Variants in GRIK5 observed in about 807,000 individuals in gnomAD.
GRIK5 encodes the protein glutamate receptor ionotropic, kainate 5.
Under a neutral mutation model 97.4 loss-of-function variants are expected in GRIK5, and 43 were observed. The observed-to-expected ratio is 0.44, with a 90% confidence interval of 0.35 to 0.57. The LOEUF (loss-of-function observed/expected upper bound fraction) is 0.57. GRIK5 is among the 20% of genes least tolerant of loss of function. GRIK5 has a pLI of 0.01. For missense variants in GRIK5, 1,015 were observed against 1,382.0 expected, an observed-to-expected ratio of 0.73 and a Z score of 4.21; for synonymous variants, 580 against 583.5, an observed-to-expected ratio of 0.99 and a Z score of 0.09.
Position 42,062,639 on chromosome 19 carries a change from C to T in GRIK5, c.357G>A (p.Lys119=). 6.2e-7 allele frequency: 1 copy of T among 1,614,110 alleles called. No individual in the cohort carries two copies. The highest frequency in any genetic ancestry group is 1.1e-5 in the South Asian group (1 of 91,078). ...GGCGGGGTGTCTCCTCGGGACCCAC[C>T]TTGATGTGGGGGATCTGGACAGAGA... is the stretch of plus-strand genomic sequence containing the variant. ...ICGEKEIPHI[K]VGPEETPRLQ... Residue 119 remains lysine (K), a synonymous_variant, in exon 5 of 20, where the codon AAG becomes AAA. Coordinates refer to ENST00000593562, the MANE Select transcript of GRIK5 (RefSeq NM_002088.5). This position sits in a 1 kb window ranked among gnomAD's most constrained non-coding sequence, Gnocchi z 5.3.
intron 15 of GRIK5, among the ~76,000 whole-genome samples, chr19:42,008,018 A>C (rs1555873110): frequency 6.6e-6 from 1 of 152,118 alleles, no homozygotes; most frequent in Non-Finnish European, 1.5e-5. Context: ...CAATGTAAAC[A>C]ATGTCTGTTA....
rs1049633971 is a variant in GRIK5, at chr19:42,062,402, G to T, written c.508+86C>A. 3.6e-6 allele frequency: 5 copies of T among 1,384,608 alleles called. No individual in the cohort carries two copies. In the East Asian group the frequency reaches 9.8e-5, roughly 27 times the overall value. The allele number at this position is 1,384,608 out of a possible 1,614,324, so 85.8% of individuals were successfully genotyped here. ...GGGTGCCCCAGGGTTCTAACTAGGG[G>T]GCAGTGAACCACTGTGTGGGACACC... On this transcript the variant is annotated intron_variant, in intron 5 of 19. Coordinates refer to ENST00000593562, the MANE Select transcript of GRIK5 (RefSeq NM_002088.5). The surrounding 1 kb of genome is among the most constrained non-coding windows in gnomAD (Gnocchi z 5.3).
chr19:42,003,587 C>T lies in GRIK5; in HGVS notation c.2360G>A (p.Arg787Gln), dbSNP rs782092976. The T allele has an allele frequency of 1.1e-5, 17 of 1,612,526 alleles. No individual in the cohort carries two copies. The highest frequency in any genetic ancestry group is 6.7e-5 in the African/African-American group (5 of 74,896). The change falls in exon 18 of 20, where the codon CGG becomes CAG. Residue 787 changes from arginine (R) to glutamine (Q), a missense_variant. Coordinates refer to ENST00000593562, the MANE Select transcript of GRIK5 (RefSeq NM_002088.5). This position sits in a 1 kb window ranked among gnomAD's most constrained non-coding sequence, Gnocchi z 4.2. ...TCGATGGTCCTCCTCCTTGGGGCAC[C>T]GGCCCCCCTCCCACCACTTGCGCTT... is the stretch of plus-strand genomic sequence containing the variant. ...ILKRKWWEGG[R>Q]CPKEEDHRAK... is the part of the protein sequence containing the mutation.
intron 12 of GRIK5, among the ~76,000 whole-genome samples, chr19:42,024,685 T>C (rs888563594): frequency 2.4e-4 from 36 of 152,176 alleles, no homozygotes; most frequent in African/African-American, 8.7e-4. Context: ...ACAGCCTCTC[T>C]GACTGGCATT....
At position 42,003,835 on chromosome 19, in the gene GRIK5, T is replaced by G; in HGVS notation, c.2264-152A>C. 1 of 724,014 alleles carries G rather than the reference T, an allele frequency of 1.4e-6. No homozygotes were observed. The highest frequency in any genetic ancestry group is 2.2e-6 in the Non-Finnish European group (1 of 457,098). 44.8% of individuals were successfully genotyped at this position (724,014 alleles called of 1,614,324 possible). A position where few individuals can be genotyped will look rare whatever the true frequency, so the allele number is the denominator to read the frequency against. On this transcript the variant is annotated intron_variant, in intron 17 of 19. Transcript: ENST00000593562. This position sits in a 1 kb window ranked among gnomAD's most constrained non-coding sequence, Gnocchi z 4.2. ...GCCTCTCCTCACCCCCAGCCCAGTC[T>G]CCTCTCAACACAGCAGCCAGAGAGA...
chr19:42,032,616 G>C (rs2075853058), intron 12 of GRIK5, among the ~76,000 whole-genome samples: 1 of 152,094 alleles, frequency 6.6e-6, no homozygotes, highest in Non-Finnish European at 1.5e-5. Flanking sequence ...CCACACAATG[G>C]AATCCTTATA....
At position 42,006,792 on chromosome 19, in the gene GRIK5, G is replaced by T; in HGVS notation, c.1890C>A (p.Ile630=). The T allele has an allele frequency of 6.2e-7, 1 of 1,608,432 alleles. No homozygotes were observed. The highest frequency in any genetic ancestry group is 1.1e-5 in the South Asian group (1 of 90,552). The change falls in exon 16 of 20, where the codon ATC becomes ATA. Residue 630 remains isoleucine, a synonymous_variant. Transcript: ENST00000593562. This position sits in a 1 kb window ranked among gnomAD's most constrained non-coding sequence, Gnocchi z 5.3. ...VSGVWWAFTL[I]IISSYTANLA... ...GGTTGGCCGTGTAGGAGGAGATGAT[G>T]ATCAAGGTGAAGGCCCACCTGAAGG...
chr19:42,006,085 T>C lies in GRIK5; in HGVS notation c.2038-137A>G, dbSNP rs146062284. ...GATCAAAGGAAGACAGAGCCAAAGG[T>C]AGAGGAGAGAGAGGAGATGGACAAA... On this transcript the variant is annotated intron_variant, in intron 16 of 19. Coordinates refer to ENST00000593562, the MANE Select transcript of GRIK5 (RefSeq NM_002088.5). The surrounding 1 kb of genome is among the most constrained non-coding windows in gnomAD (Gnocchi z 5.3). The C allele has an allele frequency of 2.7e-4, 174 of 642,792 alleles. No individual in the cohort carries two copies. In the African/African-American group the frequency reaches 2.8e-3, roughly 10 times the overall value. The allele number at this position is 642,792 out of a possible 1,614,324, so 39.8% of individuals were successfully genotyped here. A position where few individuals can be genotyped will look rare whatever the true frequency, so the allele number is the denominator to read the frequency against.
At chr19:42,000,353 G>T (rs454150) in intron 19 of GRIK5, among the ~76,000 whole-genome samples, 1 of 152,224 alleles carries the variant, frequency 6.6e-6, no homozygotes, top group African/African-American at 2.4e-5. Flanking sequence ...GGACCAGAGC[G>T]ACCTGAGAAA....
intron 12 of GRIK5, among the ~76,000 whole-genome samples, chr19:42,026,497 G>A (rs143457642): frequency 0.025 from 3,638 of 146,902 alleles, 129 homozygotes; most frequent in African/African-American, 0.081. Context: ...CAGGTAATCC[G>A]CCTGCCTCAG....
chr19:42,057,023 C>A, intron 6 of GRIK5, 45 bp from the exon 7 acceptor site: 1 of 1,446,130 alleles, frequency 6.9e-7, no homozygotes, highest in Non-Finnish European at 9.5e-7. Context: ...AGACAGAGAC[C>A]CACAGGCAGA....
chr19:42,021,975 C>T lies in GRIK5; in HGVS notation c.1669G>A (p.Val557Ile), dbSNP rs2075704519. Residue 557 changes from valine to isoleucine, a missense_variant, in exon 14 of 20, where the codon GTC (valine) becomes ATC (isoleucine). By Grantham distance (29) the Val-to-Ile change is conservative. Transcript: ENST00000593562. The surrounding 1 kb of genome is among the most constrained non-coding windows in gnomAD (Gnocchi z 4.2). ...GCAGCCAGAAACAGGACGCAGCTGA[C>T]AGCCAGGTAGGCAAGAAGCATGAAG... ...WLFMLLAYLA[V>I]SCVLFLAARL... 1 of 1,613,718 alleles carries T rather than the reference C, an allele frequency of 6.2e-7. No individual in the cohort carries two copies. The highest frequency in any genetic ancestry group is 1.7e-4 in the Middle Eastern group (1 of 6,060).
At chr19:42,045,789 G>A (rs578029291) in intron 11 of GRIK5, among the ~76,000 whole-genome samples, 2 of 152,314 alleles carry the variant, frequency 1.3e-5, no homozygotes, top group South Asian at 2.1e-4. Context: ...TTCCGTCAGC[G>A]TGGGATGGCA....
At chr19:42,030,776 T>C (rs2146077828) in intron 12 of GRIK5, among the ~76,000 whole-genome samples, 1 of 152,246 alleles carries the variant, frequency 6.6e-6, no homozygotes, top group East Asian at 1.9e-4. Flanking sequence ...CGGCGCTGTT[T>C]TGTATCCAGA....
chr19:42,019,397 T>C (rs2075670211), intron 15 of GRIK5, among the ~76,000 whole-genome samples: 1 of 152,194 alleles, frequency 6.6e-6, no homozygotes, highest in Admixed American at 6.5e-5. Context: ...TCTTACTGTA[T>C]CCTGTTTGGT....
intron 12 of GRIK5, among the ~76,000 whole-genome samples, chr19:42,031,556 C>G (rs547276610): frequency 1.3e-5 from 2 of 152,272 alleles, no homozygotes; most frequent in East Asian, 3.9e-4. Flanking sequence ...AATCACTTGA[C>G]CACATAAGTC....
Position 41,999,913 on chromosome 19 carries a change from C to G in GRIK5, c.2515-614G>C, listed in dbSNP as rs557443954. On this transcript the variant is annotated intron_variant, in intron 19 of 19. Coordinates refer to ENST00000593562, the MANE Select transcript of GRIK5 (RefSeq NM_002088.5). The surrounding 1 kb of genome is among the most constrained non-coding windows in gnomAD (Gnocchi z 5.0). ...CTGAGACAGGACAGTCAAGGAAGAC[C>G]TCACTGAGAGAAGGATCCTTAAATA... 6.6e-6 allele frequency among the ~76,000 whole-genome samples: 1 copy of G among 152,302 alleles called. No individual in the cohort carries two copies. The highest frequency in any genetic ancestry group is 2.1e-4 in the South Asian group (1 of 4,824).
chr19:42,063,461 G>C, intron 3 of GRIK5: 1 of 415,472 alleles, frequency 2.4e-6, no homozygotes, highest in Non-Finnish European at 4.9e-6. Context: ...AGGGTTCCCA[G>C]GATTGACTGG....
Position 42,021,280 on chromosome 19 carries a change from G to A in GRIK5, c.1871+21C>T, listed in dbSNP as rs774492679. On this transcript the variant is annotated intron_variant, in intron 15 of 19. Transcript: ENST00000593562. The surrounding 1 kb of genome is among the most constrained non-coding windows in gnomAD (Gnocchi z 4.2). ...GGGTCCCTCCCTCGCCCCGGGCAGAGGCAGATAGAAAGCTTCTCACCAGAC... is the reference window on the plus strand; with the variant it reads ...GGGTCCCTCCCTCGCCCCGGGCAGAAGCAGATAGAAAGCTTCTCACCAGAC... 34 of 1,605,414 alleles carry A rather than the reference G, an allele frequency of 2.1e-5. No individual in the cohort carries two copies. The highest frequency in any genetic ancestry group is 3.4e-5 in the Admixed American group (2 of 59,512).
Sources: allele counts gnomAD v4.1 joint callset (sites outside exome capture counted in the v4.1 genomes callset), GRCh38; gene constraint gnomAD v4.1.1; non-coding constraint Gnocchi (gnomAD v3.1); transcripts MANE v1.5; gene names NCBI Gene and HGNC (gene_info 2026-07-23, HGNC 2026-07-21).